The following FMNL2 variants were observed in gnomAD, a reference collection of about 807,000 sequenced individuals.
FMNL2 encodes the protein formin like 2, also known as formin-like protein 2.
Under a neutral mutation model 130.2 loss-of-function variants are expected in FMNL2, and 51 were observed. The observed-to-expected ratio is 0.39, with a 90% CI of 0.31 to 0.49. The LOEUF is 0.49. FMNL2 is among the 20% of genes least tolerant of loss of function. FMNL2 has a pLI of 0.85. For missense variants in FMNL2, 977 were observed against 1,316.2 expected, an observed-to-expected ratio of 0.74 and a Z score of 3.99; for synonymous variants, 465 against 467.1, an observed-to-expected ratio of 1.00 and a Z score of 0.06.
Position 152,492,046 on chromosome 2 carries a change from A to C in FMNL2, c.118-29897A>C, listed in dbSNP as rs1265625816. Among the ~76,000 whole-genome samples the C allele has an allele frequency of 2.0e-5, 3 of 152,212 alleles. No homozygotes were observed. In the East Asian group the frequency reaches 5.8e-4, roughly 29 times the overall value. On this transcript the variant is annotated intron_variant, in intron 1 of 25. Transcript: ENST00000288670. ...CATTTATGTACTATGAAAAATAGTA[A>C]ATTGCTTTTGTAAAAATAAAAAGTA... is the stretch of plus-strand genomic sequence containing the variant.
At chr2:152,438,330 A>G (rs532012899) in intron 1 of FMNL2, among the ~76,000 whole-genome samples, 2 of 152,176 alleles carry the variant, frequency 1.3e-5, no homozygotes, top group East Asian at 3.9e-4. Context: ...GCTAGAAGTA[A>G]AAGCATGGCA....
chr2:152,614,824 C>T (rs764884054), intron 11 of FMNL2, 27 bp from the exon 12 acceptor site: 1 of 1,575,878 alleles, frequency 6.3e-7, no homozygotes. Context: ...GAGCTAACAC[C>T]ACGTTCTCTC....
chr2:152,626,720 A>G lies in FMNL2; in HGVS notation c.2158A>G (p.Ile720Val). Residue 720 changes from isoleucine to valine, a missense_variant, in exon 17 of 26, where the codon ATT becomes GTT. Physicochemically the swap from Ile to Val is conservative, Grantham distance 29 (BLOSUM62 3). Transcript: ENST00000288670. ...GKTADEICKA[I>V]HVFDLKTLPV... ...GACTGCTGATGAAATATGTAAAGCT[A>G]TTCATGTGTAAGTTCAGGAAAATTA... The G allele has an allele frequency of 6.2e-7, 1 of 1,607,320 alleles. No homozygotes were observed. Among genetic ancestry groups the G allele is most frequent in the Non-Finnish European group, 8.5e-7 (1 of 1,176,900 alleles).
chr2:152,568,530 T>C (rs755837022), intron 6 of FMNL2, among the ~76,000 whole-genome samples: 8 of 152,162 alleles, frequency 5.3e-5, no homozygotes, highest in Non-Finnish European at 1.0e-4. Flanking sequence ...TTTACATGTA[T>C]TAGCCTGTTG....
intron 1 of FMNL2, among the ~76,000 whole-genome samples, chr2:152,429,871 C>A (rs970538210): frequency 3.3e-5 from 5 of 152,264 alleles, no homozygotes; most frequent in African/African-American, 1.2e-4. Flanking sequence ...GATAAATAAT[C>A]TGACATCTTG....
intron 1 of FMNL2, among the ~76,000 whole-genome samples, chr2:152,413,485 A>C (rs749643912): frequency 6.6e-6 from 1 of 152,130 alleles, no homozygotes; most frequent in Non-Finnish European, 1.5e-5. Context: ...TTATTACTAT[A>C]CTAATGGAGC....
intron 15 of FMNL2, 121 bp from the exon 16 acceptor site, chr2:152,625,317 G>A (rs920704083): frequency 1.0e-5 from 12 of 1,186,016 alleles, no homozygotes; most frequent in South Asian, 3.8e-5. Flanking sequence ...ACCTACTTGC[G>A]CGCCTCTTGC....
intron 1 of FMNL2, among the ~76,000 whole-genome samples, chr2:152,380,855 G>A (rs1684423669): frequency 6.6e-6 from 1 of 152,156 alleles, no homozygotes. Context: ...AGCATGCAGG[G>A]TGGCGACAGT....
intron 15 of FMNL2, among the ~76,000 whole-genome samples, chr2:152,620,293 T>G (rs1410374132): frequency 6.6e-6 from 1 of 152,114 alleles, no homozygotes; most frequent in Non-Finnish European, 1.5e-5. Flanking sequence ...TATCATGCCT[T>G]AAAATGCTGC....
intron 1 of FMNL2, among the ~76,000 whole-genome samples, chr2:152,415,692 G>A (rs1024316695): frequency 6.6e-6 from 1 of 152,170 alleles, no homozygotes; most frequent in African/African-American, 2.4e-5. Flanking sequence ...TATTAAGTTT[G>A]TTCCAAATAA....
chr2:152,472,883 A>G (rs1242495363), intron 1 of FMNL2, among the ~76,000 whole-genome samples: 1 of 152,206 alleles, frequency 6.6e-6, no homozygotes, highest in Non-Finnish European at 1.5e-5. Flanking sequence ...AAGAGAAATA[A>G]TGTGCACAGA....
At chr2:152,515,877 A>C (rs1692737540) in intron 1 of FMNL2, among the ~76,000 whole-genome samples, 1 of 152,154 alleles carries the variant, frequency 6.6e-6, no homozygotes, top group Non-Finnish European at 1.5e-5. Flanking sequence ...TTCAGTTTTG[A>C]ATTACATTTA....
At position 152,495,605 on chromosome 2, in the gene FMNL2, C is replaced by T. The variant is rs189984761; in HGVS notation, c.118-26338C>T. Among the ~76,000 whole-genome samples, 6 of 134,550 alleles carry T rather than the reference C, an allele frequency of 4.5e-5. No homozygotes were observed. The East Asian group carries it at 6.5e-4, about 15-fold the overall frequency. 88.3% of individuals were successfully genotyped at this position (134,550 alleles called of 152,430 possible). On this transcript the variant is annotated intron_variant, in intron 1 of 25. Coordinates refer to ENST00000288670, the MANE Select transcript of FMNL2 (RefSeq NM_052905.4). ...GGCAGAGGTTGCAATGAGCCGAGATCGTGCCATTGCACACCAGCCTAGGTG... is the reference window on the plus strand; with the variant it reads ...GGCAGAGGTTGCAATGAGCCGAGATTGTGCCATTGCACACCAGCCTAGGTG...
At position 152,575,192 on chromosome 2, in the gene FMNL2, A is replaced by G; in HGVS notation, c.653A>G (p.Lys218Arg). ...TLKNSRLVSK[K>R]DDVHVCIMCL... is the part of the protein sequence containing the mutation. ...AAAAATTCAAGATTAGTGAGTAAGA[A>G]AGATGATGTGCATGTCTGTATCATG... is the stretch of plus-strand genomic sequence containing the variant. The change falls in exon 7 of 26, where the codon AAA becomes AGA. Residue 218 changes from lysine to arginine, a missense_variant. Lys to Arg is a conservative substitution (Grantham distance 26). Coordinates refer to ENST00000288670, the MANE Select transcript of FMNL2 (RefSeq NM_052905.4). The G allele has an allele frequency of 4.4e-6, 7 of 1,608,384 alleles. No individual in the cohort carries two copies. The highest frequency in any genetic ancestry group is 5.1e-6 in the Non-Finnish European group (6 of 1,177,090).
At chr2:152,384,163 G>C (rs1579533796) in intron 1 of FMNL2, among the ~76,000 whole-genome samples, 2 of 152,214 alleles carry the variant, frequency 1.3e-5, no homozygotes, top group South Asian at 4.1e-4. Flanking sequence ...TTATTTTCCA[G>C]GTGAGGAAAC....
intron 1 of FMNL2, among the ~76,000 whole-genome samples, chr2:152,441,061 CA>C (rs1166559152): frequency 2.0e-5 from 3 of 152,104 alleles, no homozygotes; most frequent in African/African-American, 7.2e-5. Context: ...ATTTGTAGAC[CA>C]TGTAATATGT....
intron 16 of FMNL2, among the ~76,000 whole-genome samples, 193 bp from the exon 17 acceptor site, chr2:152,626,332 C>T (rs895321977): frequency 1.1e-4 from 16 of 152,100 alleles, no homozygotes; most frequent in African/African-American, 2.7e-4. Context: ...CCACCACATC[C>T]GACCTATGTT....
At chr2:152,511,618 G>T (rs1246302521) in intron 1 of FMNL2, among the ~76,000 whole-genome samples, 1 of 152,198 alleles carries the variant, frequency 6.6e-6, no homozygotes, top group East Asian at 1.9e-4. Flanking sequence ...CCCATCATAA[G>T]ATTGAATAGT....
Position 152,335,445 on chromosome 2 carries a change from A to G in FMNL2, c.-159A>G. ...GGGCGGCTCGGCTTGGAGCGCTGCT[A>G]GGGAGCGGTGCGCGCCGCACACCCG... On this transcript the variant is annotated 5_prime_UTR_variant, in exon 1 of 26. It removes the in-frame stop codon of an upstream open reading frame in the 5' UTR. Coordinates refer to ENST00000288670, the MANE Select transcript of FMNL2 (RefSeq NM_052905.4). 1 of 380,482 alleles carries G rather than the reference A, an allele frequency of 2.6e-6. No homozygotes were observed. The highest frequency in any genetic ancestry group is 4.5e-6 in the Non-Finnish European group (1 of 221,710). The allele number at this position is 380,482 out of a possible 1,614,324, so 23.6% of individuals were successfully genotyped here. A position where few individuals can be genotyped will look rare whatever the true frequency, so the allele number is the denominator to read the frequency against.
Sources: allele counts gnomAD v4.1 joint callset (sites outside exome capture counted in the v4.1 genomes callset), GRCh38; gene constraint gnomAD v4.1.1; transcripts MANE v1.5; gene names NCBI Gene and HGNC (gene_info 2026-07-23, HGNC 2026-07-21).